LYRM4: variants seen among roughly 807,000 people sequenced by gnomAD.
LYRM4 encodes the protein LYR motif containing 4, also known as LYR motif-containing protein 4.
In LYRM4, 9 loss-of-function variants were observed where a neutral mutation model predicts 11.7. The ratio of observed to expected loss-of-function variants is 0.77; its 90% CI spans 0.46 to 1.34. The LOEUF is 1.34. LYRM4 is among the 40% of genes most tolerant of loss of function. The probability of loss-of-function intolerance (pLI) is 0.00; values close to 1 mark genes in which losing one functional copy is unlikely to be tolerated. For missense variants in LYRM4, 133 were observed against 112.5 expected (o/e 1.18, Z -0.82); for synonymous variants, 42 against 40.4 (o/e 1.04, Z -0.15).
chr6:5,085,718 G>A, the LYRM4 span: 14 of 1,545,732 alleles, frequency 9.1e-6, no homozygotes, highest in African/African-American at 5.5e-5. Flanking sequence ...GAATGCCGCC[G>A]CCGCTGCCGC....
At chr6:5,203,342 T>C (rs1489266604) in intron 2 of LYRM4, among the ~76,000 whole-genome samples, 1 of 152,234 alleles carries the variant, frequency 6.6e-6, no homozygotes, top group Non-Finnish European at 1.5e-5. Flanking sequence ...CTGTATACAG[T>C]AGTCTGCTGC....
chr6:5,045,005 A>C, the LYRM4 span, among the ~76,000 whole-genome samples: 1 of 152,210 alleles, frequency 6.6e-6, no homozygotes, highest in Non-Finnish European at 1.5e-5. Context: ...TCACATGGAC[A>C]ACACACTTCT....
the LYRM4 span, among the ~76,000 whole-genome samples, chr6:5,079,090 A>ACCCT: frequency 1.3e-5 from 2 of 152,172 alleles, no homozygotes; most frequent in South Asian, 4.1e-4. Context: ...ACTTAATACG[A>ACCCT]ATATTTCTAT....
the LYRM4 span, among the ~76,000 whole-genome samples, chr6:5,039,505 A>G: frequency 6.6e-6 from 1 of 152,204 alleles, no homozygotes; most frequent in African/African-American, 2.4e-5. Flanking sequence ...TTTTCCAATT[A>G]CAATCTAAAG....
the LYRM4 span, among the ~76,000 whole-genome samples, chr6:5,034,933 G>A: frequency 6.6e-6 from 1 of 151,772 alleles, no homozygotes; most frequent in African/African-American, 2.4e-5. Flanking sequence ...GGCGAGTTTT[G>A]CAGATCAGGA....
the LYRM4 span, among the ~76,000 whole-genome samples, chr6:5,059,380 A>C: frequency 1.5e-3 from 221 of 151,810 alleles, 1 homozygote; most frequent in Middle Eastern, 6.8e-3. Flanking sequence ...GTACATAAGA[A>C]GCACACTCCT....
chr6:5,168,914 G>C (rs938420347), intron 2 of LYRM4, among the ~76,000 whole-genome samples: 3 of 152,124 alleles, frequency 2.0e-5, no homozygotes, highest in African/African-American at 7.2e-5. Flanking sequence ...AAAGGAGAGG[G>C]AGGAGGGCCA....
chr6:5,239,213 G>C (rs142443669), intron 1 of LYRM4, among the ~76,000 whole-genome samples: 1 of 152,310 alleles, frequency 6.6e-6, no homozygotes, highest in Non-Finnish European at 1.5e-5. Flanking sequence ...GAGAGAACCT[G>C]CTGGGCATAA....
intron 2 of LYRM4, among the ~76,000 whole-genome samples, chr6:5,166,088 T>G (rs949144515): frequency 1.3e-5 from 2 of 152,060 alleles, no homozygotes; most frequent in African/African-American, 4.8e-5. Flanking sequence ...TTCGGACACA[T>G]GAGAATAGCA....
chr6:5,238,439 G>T (rs1202193382), intron 1 of LYRM4, among the ~76,000 whole-genome samples: 1 of 152,118 alleles, frequency 6.6e-6, no homozygotes, highest in Non-Finnish European at 1.5e-5. Flanking sequence ...CTTATTAGAG[G>T]ATTTGTGTTT....
chr6:5,247,189 T>C (rs1764233804), intron 1 of LYRM4, among the ~76,000 whole-genome samples: 1 of 152,186 alleles, frequency 6.6e-6, no homozygotes, highest in Non-Finnish European at 1.5e-5. Context: ...AGTTTCAAGT[T>C]TGAGGCAAAA....
chr6:5,086,251 G>A, the LYRM4 span: 2 of 1,535,572 alleles, frequency 1.3e-6, no homozygotes, highest in Non-Finnish European at 1.7e-6. Context: ...CACCTTTACC[G>A]AGTGGCGCTC....
At chr6:5,052,875 A>T in the LYRM4 span, among the ~76,000 whole-genome samples, 1 of 152,210 alleles carries the variant, frequency 6.6e-6, no homozygotes, top group Non-Finnish European at 1.5e-5. Context: ...GAGGAGGAGC[A>T]TGTACACTCA....
At chr6:5,246,736 T>G (rs1354410823) in intron 1 of LYRM4, among the ~76,000 whole-genome samples, 1 of 151,824 alleles carries the variant, frequency 6.6e-6, no homozygotes, top group Non-Finnish European at 1.5e-5. Context: ...AGTTCCAGCT[T>G]TGTTGTGGCA....
At chr6:5,244,165 A>G (rs1038173950) in intron 1 of LYRM4, among the ~76,000 whole-genome samples, 4 of 152,260 alleles carry the variant, frequency 2.6e-5, no homozygotes, top group African/African-American at 7.2e-5. Context: ...TTCCACTTTC[A>G]GTATAGCTTT....
intron 2 of LYRM4, among the ~76,000 whole-genome samples, chr6:5,165,804 A>C (rs1759054023): frequency 1.3e-5 from 2 of 152,250 alleles, no homozygotes; most frequent in African/African-American, 4.8e-5. Flanking sequence ...CGGCCTCCCA[A>C]AGTGCTGGAA....
chr6:5,203,093 T>C (rs979904759), intron 2 of LYRM4, among the ~76,000 whole-genome samples: 10 of 152,182 alleles, frequency 6.6e-5, no homozygotes, highest in African/African-American at 2.2e-4. Context: ...CTGTCCTTCA[T>C]CTGTCATCAG....
chr6:5,108,305 C>T (rs1762727828), downstream of LYRM4: 1 of 312,484 alleles, frequency 3.2e-6, no homozygotes. Flanking sequence ...GCACTGTATG[C>T]AAAGGGAAAC....
At chr6:5,179,509 G>A (rs1759948653) in intron 2 of LYRM4, among the ~76,000 whole-genome samples, 1 of 152,034 alleles carries the variant, frequency 6.6e-6, no homozygotes, top group African/African-American at 2.4e-5. Context: ...TCATATAATT[G>A]GAATAGCACA....
Sources: gnomAD v4.1 joint callset for allele counts (sites outside exome capture counted in the v4.1 genomes callset) on GRCh38, gnomAD v4.1.1 for gene constraint, MANE v1.5 for transcripts, NCBI Gene and HGNC (gene_info 2026-07-23, HGNC 2026-07-21) for gene names.